The following FARSB variants were observed in gnomAD, a reference collection of about 807,000 sequenced individuals.
FARSB encodes phenylalanine--tRNA ligase beta subunit.
Under a neutral mutation model 69.6 loss-of-function variants are expected in FARSB, and 40 were observed. The ratio of observed to expected loss-of-function variants is 0.57; its 90% confidence interval spans 0.45 to 0.75. The LOEUF is 0.75. Among genes scored for constraint, FARSB ranks in the 30% least tolerant of loss-of-function variants. FARSB has a pLI of 0.00. For synonymous variants in FARSB, 235 were observed against 247.2 expected (o/e 0.95, Z 0.46); for missense variants, 632 against 722.9 (o/e 0.87, Z 1.44).
intron 16 of FARSB, among the ~76,000 whole-genome samples, chr2:222,587,221 C>T (rs573560783): frequency 6.6e-6 from 1 of 152,318 alleles, no homozygotes; most frequent in South Asian, 2.1e-4. Context: ...AACCACACAA[C>T]TACATGGAAA....
rs199934342 is a variant in FARSB, at chr2:222,648,665, T to C, written c.114+75A>G. The C allele has an allele frequency of 8.9e-5, 83 of 929,070 alleles. No homozygotes were observed. In the East Asian group the frequency reaches 1.9e-3, roughly 22 times the overall value. 57.6% of individuals were successfully genotyped at this position (929,070 alleles called of 1,614,324 possible). On this transcript the variant is annotated intron_variant, in intron 2 of 16. Coordinates refer to ENST00000281828, the MANE Select transcript of FARSB (RefSeq NM_005687.5). ...TAGTCTAACTATAAGGTAACAAAGATGAAATACAGTATAACCCTGAAAAAT... is the reference window on the plus strand; with the variant it reads ...TAGTCTAACTATAAGGTAACAAAGACGAAATACAGTATAACCCTGAAAAAT...
intron 16 of FARSB, among the ~76,000 whole-genome samples, chr2:222,576,739 T>C (rs72956068): frequency 1.0e-3 from 159 of 152,228 alleles, no homozygotes; most frequent in Non-Finnish European, 1.9e-3. Flanking sequence ...AGGCAAAGTG[T>C]GGAATGAGAC....
chr2:222,634,535 T>C lies in FARSB; in HGVS notation c.462A>G (p.Arg154=). 1.2e-6 allele frequency: 2 copies of C among 1,611,258 alleles called. No homozygotes were observed. The highest frequency in any genetic ancestry group is 1.7e-6 in the Non-Finnish European group (2 of 1,178,662). ...EKLHQNICRK[R]ALVAIGTHDL... ...CATGGGTACCAATGGCAACCAGTGC[T>C]CTTTTCCTAATTGTTGAGAGGTTGA... Residue 154 remains arginine, a synonymous_variant, in exon 6 of 17, where the codon AGA becomes AGG. Coordinates refer to ENST00000281828, the MANE Select transcript of FARSB (RefSeq NM_005687.5).
At chr2:222,627,272 A>G (rs1691301178) in intron 10 of FARSB, among the ~76,000 whole-genome samples, 1 of 152,216 alleles carries the variant, frequency 6.6e-6, no homozygotes, top group African/African-American at 2.4e-5. Flanking sequence ...GGCTTTGGCC[A>G]ACAGAATAAT....
At chr2:222,597,728 C>T (rs1008970279) in intron 16 of FARSB, among the ~76,000 whole-genome samples, 7 of 152,100 alleles carry the variant, frequency 4.6e-5, no homozygotes, top group African/African-American at 1.4e-4. Context: ...CCTATGAGCA[C>T]GATCCAGGCC....
intron 15 of FARSB, among the ~76,000 whole-genome samples, chr2:222,612,604 ACT>A (rs1218437858): frequency 6.6e-6 from 1 of 152,206 alleles, no homozygotes; most frequent in Non-Finnish European, 1.5e-5. Flanking sequence ...AAAAGAACAC[ACT>A]CTGAATTCTG....
At chr2:222,634,575 G>A in intron 5 of FARSB, 34 bp from the exon 6 acceptor site, 16 of 1,528,232 alleles carry the variant, frequency 1.0e-5, no homozygotes, top group Middle Eastern at 1.7e-4. Flanking sequence ...GAAGGAGGGA[G>A]GAAAGGAAAG....
At chr2:222,610,028 A>T (rs874364) in intron 15 of FARSB, among the ~76,000 whole-genome samples, 48,374 of 152,084 alleles carry the variant, frequency 0.32, 7,891 homozygotes, top group Middle Eastern at 0.45. Flanking sequence ...CAACTGGTAC[A>T]TTCTCTCAGC....
intron 2 of FARSB, 67 bp downstream of exon 2, chr2:222,648,673 A>C: frequency 1.0e-6 from 1 of 956,040 alleles, no homozygotes; most frequent in Non-Finnish European, 1.7e-6. Context: ...GATGAAATAC[A>C]GTATAACCCT....
chr2:222,569,004 T>G lies in FARSB; in HGVS notation c.*2867A>C, dbSNP rs932754213. 6.6e-6 allele frequency: 1 copy of G among 152,210 alleles called. No individual in the cohort carries two copies. Among genetic ancestry groups the G allele is most frequent in the African/African-American group, 2.4e-5 (1 of 41,448 alleles). The allele number at this position is 152,210 out of a possible 1,614,324, so 9.4% of individuals were successfully genotyped here. ...CTAAGAAGGTGTGCATCTTCTGTAA[T>G]AAAGGCTTTTGGCAGTACTCACAGA... On this transcript the variant is annotated 3_prime_UTR_variant, in exon 17 of 17. Coordinates refer to ENST00000281828, the MANE Select transcript of FARSB (RefSeq NM_005687.5).
At chr2:222,589,195 C>T (rs1173956151) in intron 16 of FARSB, among the ~76,000 whole-genome samples, 3 of 152,136 alleles carry the variant, frequency 2.0e-5, no homozygotes, top group Non-Finnish European at 4.4e-5. Context: ...ACAGAGCCCT[C>T]AGAAATAATA....
chr2:222,582,339 C>A (rs112758092), intron 16 of FARSB, among the ~76,000 whole-genome samples: 1 of 152,136 alleles, frequency 6.6e-6, no homozygotes, highest in Non-Finnish European at 1.5e-5. Context: ...TGTAAAGTAT[C>A]AGCCCCTCAG....
At chr2:222,630,230 G>A in intron 8 of FARSB, 56 bp from the exon 9 acceptor site, 1 of 852,080 alleles carries the variant, frequency 1.2e-6, no homozygotes, top group Non-Finnish European at 1.8e-6. Flanking sequence ...TCTTCACTCA[G>A]ATGGAAATGA....
rs757411523 is a variant in FARSB, at chr2:222,633,231, C to A, written c.683G>T (p.Gly228Val). The change falls in exon 7 of 17, where the codon GGT (glycine) becomes GTT (valine). Residue 228 changes from glycine to valine, a missense_variant. Physicochemically the swap from Gly to Val is moderately radical, Grantham distance 109. Transcript: ENST00000281828. ...GATGGGAGGCATTGAAAGGACGACACCATTGCTATCATAGATAACTGGATA... is the reference window on the plus strand; with the variant it reads ...GATGGGAGGCATTGAAAGGACGACAACATTGCTATCATAGATAACTGGATA... Reference protein sequence around the residue: ...PLYPVIYDSNGVVLSMPPIIN... With the variant: ...PLYPVIYDSNVVVLSMPPIIN... 1 of 1,574,014 alleles carries A rather than the reference C, an allele frequency of 6.4e-7. No homozygotes were observed. The highest frequency in any genetic ancestry group is 1.1e-5 in the South Asian group (1 of 89,720).
rs547848673 is a variant in FARSB, at chr2:222,648,690, T to C, written c.114+50A>G. ...TGAAATACAGTATAACCCTGAAAAA[T>C]AAGCTTATGCACACAATCTTTGAAA... On this transcript the variant is annotated intron_variant, in intron 2 of 16. Transcript: ENST00000281828. 9.0e-6 allele frequency: 10 copies of C among 1,105,534 alleles called. No homozygotes were observed. In the East Asian group the frequency reaches 2.3e-4, roughly 26 times the overall value. 68.5% of individuals were successfully genotyped at this position (1,105,534 alleles called of 1,614,324 possible).
Position 222,571,867 on chromosome 2 carries a change from A to T in FARSB, c.*4T>A. ...GAAGAGAATCACACCACAGAGACCA[A>T]TCTTCACAAAAAGGGTCCAACATTG... On this transcript the variant is annotated 3_prime_UTR_variant, in exon 17 of 17. Coordinates refer to ENST00000281828, the MANE Select transcript of FARSB (RefSeq NM_005687.5). 6.2e-7 allele frequency: 1 copy of T among 1,611,712 alleles called. No individual in the cohort carries two copies.
Position 222,608,536 on chromosome 2 carries a change from C to T in FARSB, c.1462+5275G>A, listed in dbSNP as rs115557597. On this transcript the variant is annotated intron_variant, in intron 15 of 16. Transcript: ENST00000281828. ...AAAAGAACAGTGAATTAGGTTTGTT[C>T]TGTGATGGCCTTGGTGGTCAAGGGA... is the stretch of plus-strand genomic sequence containing the variant. Among the ~76,000 whole-genome samples, 352 of 152,160 alleles carry T rather than the reference C, an allele frequency of 2.3e-3. 2 individuals carry two copies. Among genetic ancestry groups the T allele is most frequent in the African/African-American group, 8.2e-3 (341 of 41,524 alleles).
At chr2:222,623,874 G>C in intron 12 of FARSB, 144 bp from the exon 13 acceptor site, 1 of 633,210 alleles carries the variant, frequency 1.6e-6, no homozygotes, top group Admixed American at 2.9e-5. Context: ...CTAACGTACT[G>C]CTAATGCCAC....
rs766749679 is a variant in FARSB at position 222,634,374 on chromosome 2, T to C, written c.606+17A>G. On this transcript the variant is annotated intron_variant, in intron 6 of 16. Coordinates refer to ENST00000281828, the MANE Select transcript of FARSB (RefSeq NM_005687.5). Reference sequence around the variant, plus strand: ...TGATTTTTGCAAAGCTGCTGCATAATCAAAAAGAATATTTACCTTGTATAT... The same window carrying C: ...TGATTTTTGCAAAGCTGCTGCATAACCAAAAAGAATATTTACCTTGTATAT... The C allele has an allele frequency of 1.3e-6, 2 of 1,515,126 alleles. No homozygotes were observed. The highest frequency in any genetic ancestry group is 4.3e-5 in the Admixed American group (2 of 46,726). The allele number at this position is 1,515,126 out of a possible 1,614,324, so 93.9% of individuals were successfully genotyped here.
Sources: allele counts gnomAD v4.1 joint callset (sites outside exome capture counted in the v4.1 genomes callset), GRCh38; gene constraint gnomAD v4.1.1; transcripts MANE v1.5; gene names NCBI Gene and HGNC (gene_info 2026-07-23, HGNC 2026-07-21).